THRA: variants seen among roughly 807,000 people sequenced by gnomAD.
The protein encoded by THRA is thyroid hormone receptor alpha, also known as EAR-7.
THRA carries 13 observed loss-of-function variants against 45.0 expected under a neutral mutation model. That is an observed-to-expected ratio of 0.29 (90% CI 0.19 to 0.46). The LOEUF (loss-of-function observed/expected upper bound fraction) is 0.46. Ranked by LOEUF, THRA falls within the 20% of genes least tolerant of loss-of-function variation. The pLI is 1.00. For synonymous variants in THRA, 195 were observed against 214.0 expected, an observed-to-expected ratio of 0.91 and a Z score of 0.78; for missense variants, 278 against 556.1, an observed-to-expected ratio of 0.50 and a Z score of 5.03.
intron 1 of THRA, among the ~76,000 whole-genome samples, chr17:40,068,052 A>G (rs1986635410): frequency 6.6e-6 from 1 of 152,170 alleles, no homozygotes. Context: ...AGAAAACAAA[A>G]CAAAAAACCC....
intron 1 of THRA, among the ~76,000 whole-genome samples, chr17:40,069,626 G>C (rs979018349): frequency 6.6e-6 from 1 of 151,962 alleles, no homozygotes; most frequent in Admixed American, 6.6e-5. Context: ...GCCGTGCCCA[G>C]CTTGGGGGTG....
chr17:40,088,169 G>A (rs773464208), intron 7 of THRA, 73 bp from the exon 8 acceptor site: 13 of 1,514,186 alleles, frequency 8.6e-6, no homozygotes, highest in Non-Finnish European at 1.1e-5. Context: ...GGCTCCCGTA[G>A]GACACTCTAG....
intron 6 of THRA, among the ~76,000 whole-genome samples, chr17:40,085,996 C>T (rs944524831): frequency 3.3e-5 from 5 of 152,248 alleles, no homozygotes; most frequent in East Asian, 1.9e-4. Flanking sequence ...CCTGTGGTCC[C>T]AGCTACTCGG....
At chr17:40,086,987 T>TACACGG in intron 7 of THRA, 134 bp downstream of exon 7, 1 of 1,120,076 alleles carries the variant, frequency 8.9e-7, no homozygotes, top group East Asian at 3.0e-5. Context: ...ACAGATAACA[T>TACACGG]ACACAGACAC....
chr17:40,072,574 G>A (rs1004329582), intron 1 of THRA, among the ~76,000 whole-genome samples: 2 of 152,128 alleles, frequency 1.3e-5, no homozygotes, highest in South Asian at 4.1e-4. Context: ...CCCAGACCCG[G>A]AGAGAGAGAC....
At chr17:40,077,061 G>C in intron 3 of THRA, 123 bp downstream of exon 3, 1 of 1,000,646 alleles carries the variant, frequency 1.0e-6, no homozygotes. Flanking sequence ...CTCCTAGAGG[G>C]CTTGGGATGG....
chr17:40,065,765 TG>T (rs1338626251), intron 1 of THRA, among the ~76,000 whole-genome samples: 1 of 18,696 alleles, frequency 5.3e-5, no homozygotes, highest in African/African-American at 2.1e-4. Flanking sequence ...GGGCTGGGAA[TG>T]GGGGAAGGGG....
chr17:40,063,989 G>C (rs972364779), intron 1 of THRA, among the ~76,000 whole-genome samples: 6 of 151,724 alleles, frequency 4.0e-5, no homozygotes, highest in African/African-American at 1.5e-4. Flanking sequence ...GGCTCCAGGA[G>C]GGGGAGGGGA....
At chr17:40,076,718 T>A (rs546082211) in intron 2 of THRA, among the ~76,000 whole-genome samples, 153 bp from the exon 3 acceptor site, 8 of 152,236 alleles carry the variant, frequency 5.3e-5, no homozygotes, top group Middle Eastern at 3.4e-3. Flanking sequence ...CTGGACCCTT[T>A]TAAGCATTGT....
At chr17:40,082,207 CTTT>C (rs770974952) in intron 4 of THRA, among the ~76,000 whole-genome samples, 1,886 of 78,718 alleles carry the variant, frequency 0.024, 36 homozygotes, top group African/African-American at 0.086. Flanking sequence ...CTTGGATTTC[CTTT>C]TTTTTTTTTT....
At position 40,089,466 on chromosome 17, in the gene THRA, C is replaced by CG. The variant is rs768780514; in HGVS notation, c.*12dup. 9 of 1,613,546 alleles carry CG rather than the reference C, an allele frequency of 5.6e-6. No individual in the cohort carries two copies. Among genetic ancestry groups the CG allele is most frequent in the Non-Finnish European group, 6.8e-6 (8 of 1,179,720 alleles). On this transcript the variant is annotated 3_prime_UTR_variant, in exon 9 of 9. Coordinates refer to ENST00000450525, the MANE Select transcript of THRA (RefSeq NM_199334.5). The surrounding 1 kb of genome is among the most constrained non-coding windows in gnomAD (Gnocchi z 6.1). ...GGATCAGGAAGTCTAAAGCCTCAGG[C>CG]GGCCAGAGGGTGTGCGGAGCTGGTG...
intron 4 of THRA, among the ~76,000 whole-genome samples, chr17:40,081,924 C>T (rs1987150272): frequency 6.6e-6 from 1 of 151,734 alleles, no homozygotes. Flanking sequence ...GATCACACCA[C>T]TGCACTCCAG....
intron 1 of THRA, among the ~76,000 whole-genome samples, chr17:40,072,737 C>G (rs534008480): frequency 6.6e-6 from 1 of 152,146 alleles, no homozygotes; most frequent in African/African-American, 2.4e-5. Flanking sequence ...AGTGCCCAGC[C>G]CCTGGGCTTC....
rs1181238745 is a variant in THRA, at chr17:40,091,208, A to AC, written c.*1755dup. ...GTGGGGAACCTGCCACCCCACCCTG[A>AC]CCCTCAGCCTGCCACAGCCCCCTAC... On this transcript the variant is annotated 3_prime_UTR_variant, in exon 9 of 9. Coordinates refer to ENST00000450525, the MANE Select transcript of THRA (RefSeq NM_199334.5). 2.0e-5 allele frequency: 3 copies of AC among 150,924 alleles called. No individual in the cohort carries two copies. The highest frequency in any genetic ancestry group is 4.3e-5 in the Non-Finnish European group (3 of 69,284). The allele number at this position is 150,924 out of a possible 1,614,324, so 9.3% of individuals were successfully genotyped here.
In THRA at chr17:40,092,734, C is replaced by G. The variant is rs921842751; in HGVS notation, c.*3278C>G. On this transcript the variant is annotated 3_prime_UTR_variant, in exon 9 of 9. Coordinates refer to ENST00000450525, the MANE Select transcript of THRA (RefSeq NM_199334.5). Reference sequence around the variant, plus strand: ...TGACCAGATGGAGAGGTGGCCCCCCCCAGCCTTGGCAGTATTTCCACCCCA... The same window carrying G: ...TGACCAGATGGAGAGGTGGCCCCCCGCAGCCTTGGCAGTATTTCCACCCCA... 1.5e-5 allele frequency: 5 copies of G among 343,626 alleles called. No individual in the cohort carries two copies. The highest frequency in any genetic ancestry group is 1.3e-4 in the Admixed American group (3 of 23,622). The allele number at this position is 343,626 out of a possible 1,614,324, so 21.3% of individuals were successfully genotyped here.
intron 5 of THRA, 112 bp downstream of exon 5, chr17:40,084,094 T>C: frequency 7.8e-7 from 1 of 1,275,574 alleles, no homozygotes; most frequent in Non-Finnish European, 1.1e-6. Flanking sequence ...AGAGTGGCAA[T>C]CCAGTCTAGG....
At chr17:40,080,786 G>A (rs112274918) in intron 4 of THRA, among the ~76,000 whole-genome samples, 3,699 of 148,610 alleles carry the variant, frequency 0.025, 74 homozygotes, top group Non-Finnish European at 0.034. Flanking sequence ...GCAGTGGCGC[G>A]ATCTTGGCTC....
chr17:40,075,366 G>A (rs1986915807), intron 2 of THRA, among the ~76,000 whole-genome samples: 1 of 152,150 alleles, frequency 6.6e-6, no homozygotes, highest in African/African-American at 2.4e-5. Context: ...CAGATCCCGA[G>A]CCAGGAAGCC....
At chr17:40,064,925 A>G (rs7407003) in intron 1 of THRA, among the ~76,000 whole-genome samples, 46,355 of 152,050 alleles carry the variant, frequency 0.3, 7,663 homozygotes, top group African/African-American at 0.42. Flanking sequence ...AACCCCAGAT[A>G]CACACAACTG....
Sources: gnomAD v4.1 joint callset for allele counts (sites outside exome capture counted in the v4.1 genomes callset) on GRCh38, gnomAD v4.1.1 for gene constraint, Gnocchi (gnomAD v3.1) non-coding constraint, MANE v1.5 for transcripts, NCBI Gene and HGNC (gene_info 2026-07-23, HGNC 2026-07-21) for gene names.